PNLIP: variants seen among roughly 807,000 people sequenced by gnomAD.
PNLIP encodes the protein pancreatic triacylglycerol lipase.
PNLIP carries 49 observed loss-of-function variants against 57.1 expected under a neutral mutation model. That is an observed-to-expected ratio of 0.86 (90% CI 0.68 to 1.09). The LOEUF is 1.09. PNLIP is among the 50% of genes least tolerant of loss of function. The probability of loss-of-function intolerance (pLI) is 0.00; values close to 1 mark genes in which losing one functional copy is unlikely to be tolerated. For missense variants in PNLIP, 503 were observed against 570.2 expected, an observed-to-expected ratio of 0.88 and a Z score of 1.20; for synonymous variants, 209 against 200.4, an observed-to-expected ratio of 1.04 and a Z score of -0.36.
intron 4 of PNLIP, among the ~76,000 whole-genome samples, chr10:116,549,885 C>T (rs1213765176): frequency 5.3e-5 from 8 of 151,938 alleles, no homozygotes; most frequent in Admixed American, 2.6e-4. Context: ...TGCTTTGAGA[C>T]GCAGAAACAA....
chr10:116,566,502 GGTGTGTGTGTGTTGT>G (rs1457000091), intron 12 of PNLIP, among the ~76,000 whole-genome samples: 1 of 151,890 alleles, frequency 6.6e-6, no homozygotes, highest in Non-Finnish European at 1.5e-5. Flanking sequence ...TGGCTTCAGA[GGTGTGTGTGTGTTGT>G]GTGTGTGTGA....
At chr10:116,551,962 G>A (rs144778075) in intron 5 of PNLIP, among the ~76,000 whole-genome samples, 129 of 152,250 alleles carry the variant, frequency 8.5e-4, no homozygotes, top group African/African-American at 3.0e-3. Flanking sequence ...GGTCAATGAT[G>A]GACTTCAGAT....
intron 5 of PNLIP, 24 bp downstream of exon 5, chr10:116,551,256 A>C: frequency 1.3e-6 from 2 of 1,542,430 alleles, no homozygotes; most frequent in Non-Finnish European, 1.7e-6. Flanking sequence ...GATTGCATAA[A>C]AGCCTGTACA....
In PNLIP at chr10:116,553,056, C is replaced by T. The variant is rs573572477; in HGVS notation, c.460-671C>T. Among the ~76,000 whole-genome samples, 8 of 152,278 alleles carry T rather than the reference C, an allele frequency of 5.3e-5. No individual in the cohort carries two copies. The East Asian group carries it at 1.5e-3, about 29-fold the overall frequency. On this transcript the variant is annotated intron_variant, in intron 5 of 12. Transcript: ENST00000369221. Reference sequence around the variant, plus strand: ...TGACTTGCCCAGAGCAACTTCCAGTCCTGCAAGCTCCATTCATGGTAAATG... The same window carrying T: ...TGACTTGCCCAGAGCAACTTCCAGTTCTGCAAGCTCCATTCATGGTAAATG...
intron 9 of PNLIP, among the ~76,000 whole-genome samples, chr10:116,558,062 C>A (rs1847271535): frequency 6.6e-6 from 1 of 150,692 alleles, no homozygotes; most frequent in Non-Finnish European, 1.5e-5. Flanking sequence ...ACCATCCTGG[C>A]TAACATTTTT....
At chr10:116,554,137 G>T (rs1847226384) in intron 6 of PNLIP, among the ~76,000 whole-genome samples, 1 of 151,932 alleles carries the variant, frequency 6.6e-6, no homozygotes, top group Non-Finnish European at 1.5e-5. Flanking sequence ...ACCAATCTTT[G>T]GTCTACAGCA....
chr10:116,548,995 G>T (rs1467227135), intron 4 of PNLIP, among the ~76,000 whole-genome samples: 1 of 152,096 alleles, frequency 6.6e-6, no homozygotes, highest in Non-Finnish European at 1.5e-5. Flanking sequence ...TTTGCCTTTG[G>T]CTATATGCCC....
chr10:116,547,455 A>T lies in PNLIP; in HGVS notation c.201+7A>T, dbSNP rs777635400. 1 of 1,609,892 alleles carries T rather than the reference A, an allele frequency of 6.2e-7. No homozygotes were observed. The highest frequency in any genetic ancestry group is 8.5e-7 in the Non-Finnish European group (1 of 1,178,360). On this transcript the variant is annotated splice_region_variant and intron_variant, in intron 3 of 12. Coordinates refer to ENST00000369221, the MANE Select transcript of PNLIP (RefSeq NM_000936.4). ...GAACCCAAACAACTTTCAAGTAAGA[A>T]CTATCACTGTGTTTAGAACTAAGTT... is the stretch of plus-strand genomic sequence containing the variant.
chr10:116,553,441 T>A (rs942497415), intron 5 of PNLIP, among the ~76,000 whole-genome samples: 2 of 152,168 alleles, frequency 1.3e-5, no homozygotes, highest in African/African-American at 4.8e-5. Flanking sequence ...TGTATGTTTT[T>A]AGGTTTAGAT....
At chr10:116,560,161 TG>T (rs1847298010) in intron 10 of PNLIP, among the ~76,000 whole-genome samples, 1 of 151,526 alleles carries the variant, frequency 6.6e-6, no homozygotes. Flanking sequence ...CTTAGTCCCT[TG>T]GCTTGAAAAA....
intron 12 of PNLIP, among the ~76,000 whole-genome samples, chr10:116,564,336 A>G (rs1053896909): frequency 6.6e-6 from 1 of 152,236 alleles, no homozygotes; most frequent in Non-Finnish European, 1.5e-5. Flanking sequence ...AAAAAATAAC[A>G]GCAAATTTCT....
At chr10:116,559,715 G>C (rs2133206168) in intron 10 of PNLIP, among the ~76,000 whole-genome samples, 1 of 152,298 alleles carries the variant, frequency 6.6e-6, no homozygotes, top group Non-Finnish European at 1.5e-5. Context: ...ATGGGAATTA[G>C]AGGCTGGAGG....
intron 1 of PNLIP, 63 bp downstream of exon 1, chr10:116,546,021 T>A (rs1847118868): frequency 1.6e-6 from 2 of 1,280,548 alleles, no homozygotes; most frequent in African/African-American, 1.5e-5. Context: ...CCCCCAGAGG[T>A]CTAAATGAAC....
In PNLIP at chr10:116,555,170, T is replaced by C; in HGVS notation, c.572-8T>C. Reference sequence around the variant, plus strand: ...GTCATAATTCATGAAACATACTCTTTACTTTAGGGTTGGACCCAGCAGAAC... The same window carrying C: ...GTCATAATTCATGAAACATACTCTTCACTTTAGGGTTGGACCCAGCAGAAC... On this transcript the variant is annotated splice_region_variant and splice_polypyrimidine_tract_variant and intron_variant, in intron 6 of 12. Coordinates refer to ENST00000369221, the MANE Select transcript of PNLIP (RefSeq NM_000936.4). 2.5e-6 allele frequency: 4 copies of C among 1,614,132 alleles called. No individual in the cohort carries two copies. The highest frequency in any genetic ancestry group is 1.1e-5 in the South Asian group (1 of 91,084).
At chr10:116,546,206 A>T (rs1157883252) in intron 2 of PNLIP, 68 bp downstream of exon 2, 18 of 1,313,048 alleles carry the variant, frequency 1.4e-5, no homozygotes, top group Non-Finnish European at 1.1e-6. Flanking sequence ...GGGCTAGGGC[A>T]GCTGAATTCA....
chr10:116,553,494 A>G (rs1021845668), intron 5 of PNLIP, among the ~76,000 whole-genome samples: 1 of 152,240 alleles, frequency 6.6e-6, no homozygotes, highest in Non-Finnish European at 1.5e-5. Flanking sequence ...CCAGTTGCCT[A>G]GAGTACACAG....
chr10:116,555,612 A>G (rs1847245217), intron 8 of PNLIP, 105 bp downstream of exon 8: 1 of 1,255,322 alleles, frequency 8.0e-7, no homozygotes, highest in African/African-American at 1.5e-5. Flanking sequence ...CACATTTTAC[A>G]TAACAAAAGA....
intron 12 of PNLIP, among the ~76,000 whole-genome samples, chr10:116,563,264 C>A (rs1056778726): frequency 6.6e-6 from 1 of 151,850 alleles, no homozygotes; most frequent in Non-Finnish European, 1.5e-5. Flanking sequence ...TTATATGTAC[C>A]AGTTGAGCAT....
intron 11 of PNLIP, 26 bp downstream of exon 11, chr10:116,560,550 C>CTTTTTTTTTT: frequency 5.9e-6 from 3 of 504,204 alleles, no homozygotes; most frequent in South Asian, 5.3e-5. Context: ...TTGCTCTATG[C>CTTTTTTTTTT]TTTTTTTTTT....
Sources: allele counts gnomAD v4.1 joint callset (sites outside exome capture counted in the v4.1 genomes callset), GRCh38; gene constraint gnomAD v4.1.1; transcripts MANE v1.5; gene names NCBI Gene and HGNC (gene_info 2026-07-23, HGNC 2026-07-21).